The following DGKG variants were observed in gnomAD, a reference collection of about 807,000 sequenced individuals.
The protein encoded by DGKG is DAG kinase gamma.
In DGKG, 78 loss-of-function variants were observed where a neutral mutation model predicts 105.3. That is an observed-to-expected ratio of 0.74 (90% CI 0.62 to 0.89). The LOEUF (loss-of-function observed/expected upper bound fraction) is 0.89, where lower values mean the gene tolerates loss of function less well. Ranked by LOEUF, DGKG falls within the 40% of genes least tolerant of loss-of-function variation. DGKG has a pLI of 0.00. For missense variants in DGKG, 958 were observed against 1,020.1 expected (o/e 0.94, Z 0.83); for synonymous variants, 346 against 367.1 (o/e 0.94, Z 0.66).
chr3:186,161,160 C>T (rs1716272163), intron 24 of DGKG: 1 of 991,420 alleles, frequency 1.0e-6, no homozygotes, highest in Non-Finnish European at 1.2e-6. Context: ...GTCAAAGGCG[C>T]TACCCTACCA....
chr3:186,243,721 G>A (rs1025746079), intron 19 of DGKG, among the ~76,000 whole-genome samples: 1 of 152,074 alleles, frequency 6.6e-6, no homozygotes, highest in African/African-American at 2.4e-5. Flanking sequence ...TAATTGAGCC[G>A]GAGATGGGGG....
intron 20 of DGKG, among the ~76,000 whole-genome samples, chr3:186,233,376 C>A (rs1325178523): frequency 6.6e-6 from 1 of 152,204 alleles, no homozygotes; most frequent in African/African-American, 2.4e-5. Flanking sequence ...CCCAGACTCT[C>A]CAGAAAGGAA....
At chr3:186,296,734 AATCCCTGG>A (rs1288731194) in intron 5 of DGKG, among the ~76,000 whole-genome samples, 1 of 152,188 alleles carries the variant, frequency 6.6e-6, no homozygotes, top group Admixed American at 6.5e-5. Context: ...TTCTGGATTG[AATCCCTGG>A]CTCCACAGGT....
intron 19 of DGKG, among the ~76,000 whole-genome samples, chr3:186,244,799 G>A (rs1720860347): frequency 6.6e-6 from 1 of 151,990 alleles, no homozygotes; most frequent in African/African-American, 2.4e-5. Flanking sequence ...ACCCCAGAGA[G>A]GCCTCTGTCC....
Position 186,178,744 on chromosome 3 carries a change from C to T in DGKG, c.2095+9458G>A, listed in dbSNP as rs148768057. On this transcript the variant is annotated intron_variant, in intron 22 of 24. Transcript: ENST00000265022. ...TGAGAAAGAGTGAATGATTGCTTCACTTGAATTTCCAGTGAATTTGAGTTG... is the reference window on the plus strand; with the variant it reads ...TGAGAAAGAGTGAATGATTGCTTCATTTGAATTTCCAGTGAATTTGAGTTG... Among the ~76,000 whole-genome samples the T allele has an allele frequency of 9.2e-5, 14 of 152,304 alleles. No individual in the cohort carries two copies. In the East Asian group the frequency reaches 2.3e-3, roughly 25 times the overall value.
chr3:186,352,465 A>G (rs1175547913), intron 1 of DGKG, among the ~76,000 whole-genome samples: 1 of 152,144 alleles, frequency 6.6e-6, no homozygotes, highest in Non-Finnish European at 1.5e-5. Context: ...GGACTTCGTT[A>G]TCTGGGCCTC....
chr3:186,318,859 C>A (rs1724942699), intron 2 of DGKG, among the ~76,000 whole-genome samples: 1 of 152,152 alleles, frequency 6.6e-6, no homozygotes, highest in Non-Finnish European at 1.5e-5. Flanking sequence ...AGCAAACAAC[C>A]CCCATACCAG....
At chr3:186,275,198 T>A (rs1219834397) in intron 10 of DGKG, among the ~76,000 whole-genome samples, 1 of 152,170 alleles carries the variant, frequency 6.6e-6, no homozygotes, top group Non-Finnish European at 1.5e-5. Flanking sequence ...TATTAATTTT[T>A]AAAAAATAAG....
chr3:186,234,979 A>G (rs549153978), intron 20 of DGKG, among the ~76,000 whole-genome samples: 1 of 143,916 alleles, frequency 6.9e-6, no homozygotes, highest in Non-Finnish European at 1.6e-5. Flanking sequence ...ACTATAAACA[A>G]TCCAACAACA....
At chr3:186,347,676 T>C (rs1726412516) in intron 1 of DGKG, among the ~76,000 whole-genome samples, 2 of 151,934 alleles carry the variant, frequency 1.3e-5, no homozygotes, top group Non-Finnish European at 2.9e-5. Context: ...ATCTGCCTCC[T>C]GGGTTCAAGT....
intron 20 of DGKG, among the ~76,000 whole-genome samples, chr3:186,241,071 C>T (rs540893815): frequency 3.9e-5 from 6 of 152,202 alleles, no homozygotes; most frequent in East Asian, 1.9e-4. Flanking sequence ...CTAAAAGGTT[C>T]GTTCAGCTGC....
chr3:186,346,125 C>T (rs1022074966), intron 1 of DGKG, among the ~76,000 whole-genome samples: 5 of 152,146 alleles, frequency 3.3e-5, no homozygotes, highest in African/African-American at 9.7e-5. Context: ...TTTTAATTTG[C>T]TTCAGTACTA....
At chr3:186,235,242 T>C (rs1008118772) in intron 20 of DGKG, among the ~76,000 whole-genome samples, 2 of 152,218 alleles carry the variant, frequency 1.3e-5, no homozygotes, top group African/African-American at 4.8e-5. Context: ...TATAAATACC[T>C]ACAGGAATAA....
intron 22 of DGKG, among the ~76,000 whole-genome samples, chr3:186,165,374 T>C (rs6783587): frequency 0.072 from 10,894 of 152,236 alleles, 1,131 homozygotes; most frequent in African/African-American, 0.23. Flanking sequence ...GGTTTGGAAC[T>C]AGGATAGGAA....
At chr3:186,357,379 A>G (rs1429852682) in intron 1 of DGKG, among the ~76,000 whole-genome samples, 1 of 152,186 alleles carries the variant, frequency 6.6e-6, no homozygotes, top group Admixed American at 6.5e-5. Context: ...ATCACAACAC[A>G]CAGCAGTTAT....
At chr3:186,223,974 C>A (rs1719726612) in intron 20 of DGKG, among the ~76,000 whole-genome samples, 1 of 152,220 alleles carries the variant, frequency 6.6e-6, no homozygotes. Context: ...CTTGTCCCAG[C>A]TGTAGGTGTG....
chr3:186,325,714 AAT>A (rs1438813880), intron 1 of DGKG, among the ~76,000 whole-genome samples: 1 of 151,460 alleles, frequency 6.6e-6, no homozygotes, highest in Non-Finnish European at 1.5e-5. Context: ...ATATATAAAG[AAT>A]ATATATGTGT....
chr3:186,355,200 C>CAACCAA, intron 1 of DGKG, among the ~76,000 whole-genome samples: 1 of 150,526 alleles, frequency 6.6e-6, no homozygotes, highest in Admixed American at 6.6e-5. Context: ...ATCAATACCA[C>CAACCAA]CACCAACACC....
chr3:186,294,413 G>A (rs1361254060), intron 5 of DGKG, among the ~76,000 whole-genome samples: 2 of 151,998 alleles, frequency 1.3e-5, no homozygotes, highest in Non-Finnish European at 2.9e-5. Context: ...GCATGCACCT[G>A]TAATCCCAGC....
Sources: allele counts gnomAD v4.1 joint callset (sites outside exome capture counted in the v4.1 genomes callset), GRCh38; gene constraint gnomAD v4.1.1; transcripts MANE v1.5; gene names NCBI Gene and HGNC (gene_info 2026-07-23, HGNC 2026-07-21).